Variants in KAT2B observed in about 807,000 individuals in gnomAD.
The protein encoded by KAT2B is lysine acetyltransferase 2B, also known as histone acetyltransferase KAT2B.
KAT2B carries 36 observed loss-of-function variants against 105.9 expected under a neutral mutation model. The ratio of observed to expected loss-of-function variants is 0.34; its 90% CI spans 0.26 to 0.45. The LOEUF (loss-of-function observed/expected upper bound fraction) is 0.45. Ranked by LOEUF, KAT2B falls within the 20% of genes least tolerant of loss-of-function variation. The pLI is 1.00. For missense variants in KAT2B, 820 were observed against 1,021.6 expected, an observed-to-expected ratio of 0.80 and a Z score of 2.69; for synonymous variants, 397 against 377.9, an observed-to-expected ratio of 1.05 and a Z score of -0.59.
intron 6 of KAT2B, among the ~76,000 whole-genome samples, chr3:20,114,280 A>G (rs1436236748): frequency 6.6e-6 from 1 of 152,128 alleles, no homozygotes; most frequent in African/African-American, 2.4e-5. Flanking sequence ...TGATCTAAAT[A>G]TTTCACTTCT....
Position 20,114,954 on chromosome 3 carries a change from C to T in KAT2B, c.1116C>T (p.Ala372=), listed in dbSNP as rs1255664354. The part of the protein sequence containing the change: ...SPIWDQDFLS[A]SSRTSQLGIQ... ...TCTGGGATCAGGATTTTCTCTCAGC[C>T]TCTTCCAGAACCAGCCAGCTAGGCA... The change falls in exon 7 of 18, where the codon GCC becomes GCT. Residue 372 remains alanine (A), a synonymous_variant. Transcript: ENST00000263754. 1 of 1,612,810 alleles carries T rather than the reference C, an allele frequency of 6.2e-7. No homozygotes were observed. The highest frequency in any genetic ancestry group is 1.3e-5 in the African/African-American group (1 of 74,990).
intron 8 of KAT2B, among the ~76,000 whole-genome samples, chr3:20,120,234 T>C (rs567285803): frequency 6.6e-6 from 1 of 152,066 alleles, no homozygotes; most frequent in East Asian, 1.9e-4. Flanking sequence ...TCCTTTTCTT[T>C]TCTTTTTATT....
intron 2 of KAT2B, among the ~76,000 whole-genome samples, chr3:20,079,107 GCC>G (rs1698473235): frequency 1.3e-5 from 2 of 149,872 alleles, no homozygotes; most frequent in Admixed American, 6.7e-5. Flanking sequence ...TGCCAAGTTA[GCC>G]ACGCTGGTCT....
chr3:20,099,339 G>A (rs113514169), intron 3 of KAT2B, among the ~76,000 whole-genome samples: 28 of 152,290 alleles, frequency 1.8e-4, no homozygotes, highest in Admixed American at 3.9e-4. Context: ...TAGATGATGC[G>A]TATGCCGTGC....
intron 1 of KAT2B, among the ~76,000 whole-genome samples, chr3:20,059,412 C>CA (rs34763319): frequency 0.015 from 587 of 38,108 alleles, 3 homozygotes; most frequent in African/African-American, 0.026. Flanking sequence ...GACTCTGTCT[C>CA]AAAAAAAAAA....
At chr3:20,061,269 C>T (rs185342577) in intron 1 of KAT2B, among the ~76,000 whole-genome samples, 1 of 152,262 alleles carries the variant, frequency 6.6e-6, no homozygotes, top group Non-Finnish European at 1.5e-5. Context: ...GCATAACATT[C>T]TCAAGTTTCA....
intron 8 of KAT2B, among the ~76,000 whole-genome samples, chr3:20,121,116 T>A (rs1312785361): frequency 6.6e-6 from 1 of 152,118 alleles, no homozygotes; most frequent in Non-Finnish European, 1.5e-5. Context: ...TGGTCAGATG[T>A]CTGAAAATAT....
intron 2 of KAT2B, among the ~76,000 whole-genome samples, chr3:20,081,425 T>C (rs1292696768): frequency 6.6e-6 from 1 of 152,168 alleles, no homozygotes; most frequent in Non-Finnish European, 1.5e-5. Flanking sequence ...GGCGGGTCAC[T>C]CTCTGGCACC....
Position 20,115,004 on chromosome 3 carries a change from C to T in KAT2B, c.1150+16C>T, listed in dbSNP as rs1430981657. 6.5e-7 allele frequency: 1 copy of T among 1,537,354 alleles called. No individual in the cohort carries two copies. Among genetic ancestry groups the T allele is most frequent in the South Asian group, 1.1e-5 (1 of 89,374 alleles). ...ATCCAAACAGGTAAGTTTCCTTTTA[C>T]ATGAATCAGAGAACAACCAGGGAGG... On this transcript the variant is annotated intron_variant, in intron 7 of 17. Coordinates refer to ENST00000263754, the MANE Select transcript of KAT2B (RefSeq NM_003884.5).
chr3:20,089,964 G>A (rs1459841596), intron 2 of KAT2B, among the ~76,000 whole-genome samples: 1 of 150,388 alleles, frequency 6.6e-6, no homozygotes, highest in Non-Finnish European at 1.5e-5. Context: ...ACAACATAGT[G>A]AGAAGCCATC....
Position 20,122,759 on chromosome 3 carries a change from G to C in KAT2B, c.1368G>C (p.Glu456Asp). Reference protein sequence around the residue: ...MGDIPMELINEVMSTITDPAA... With the variant: ...MGDIPMELINDVMSTITDPAA... ...ATATTCCGATGGAATTAATCAACGA[G>C]GTTATGTCTACCATCACGGACCCTG... is the stretch of plus-strand genomic sequence containing the variant. Residue 456 changes from glutamate to aspartate, a missense_variant, in exon 9 of 18, where the codon GAG becomes GAC. Physicochemically the swap from Glu to Asp is conservative, Grantham distance 45. Around this residue, in one of 6 missense-constraint regions of KAT2B, gnomAD observed 225 missense variants for 268.1 expected, o/e 0.84. Transcript: ENST00000263754. 1 of 1,614,080 alleles carries C rather than the reference G, an allele frequency of 6.2e-7. No homozygotes were observed. Among genetic ancestry groups the C allele is most frequent in the African/African-American group, 1.3e-5 (1 of 75,048 alleles).
At position 20,120,420 on chromosome 3, in the gene KAT2B, T is replaced by G. The variant is rs926143216; in HGVS notation, c.1276+697T>G. Among the ~76,000 whole-genome samples the G allele has an allele frequency of 1.2e-4, 18 of 151,794 alleles. 1 individual carries two copies. The highest frequency in any genetic ancestry group is 1.2e-3 in the Admixed American group (18 of 15,208). Reference sequence around the variant, plus strand: ...TTTTTGTATTTTTGGTGGAGATGGGTTTTTGCCATATTGGTCAGGCTGGTC... The same window carrying G: ...TTTTTGTATTTTTGGTGGAGATGGGGTTTTGCCATATTGGTCAGGCTGGTC... On this transcript the variant is annotated intron_variant, in intron 8 of 17. Transcript: ENST00000263754.
chr3:20,076,484 A>T (rs1698421189), intron 2 of KAT2B, among the ~76,000 whole-genome samples: 1 of 152,140 alleles, frequency 6.6e-6, no homozygotes. Flanking sequence ...AGCTCTAGAA[A>T]ACCTTTTTCT....
chr3:20,145,032 A>AGTG (rs949357900), intron 13 of KAT2B, among the ~76,000 whole-genome samples: 9 of 150,852 alleles, frequency 6.0e-5, no homozygotes, highest in Non-Finnish European at 1.2e-4. Context: ...CCTCACCTCA[A>AGTG]GTGATCCACC....
At chr3:20,119,178 G>T (rs980218714) in intron 7 of KAT2B, among the ~76,000 whole-genome samples, 6 of 151,648 alleles carry the variant, frequency 4.0e-5, no homozygotes, top group Middle Eastern at 3.2e-3. Context: ...TTTTGAGACT[G>T]TATAAATATC....
intron 1 of KAT2B, among the ~76,000 whole-genome samples, chr3:20,061,984 C>CA (rs1698115943): frequency 4.7e-5 from 2 of 42,476 alleles, no homozygotes; most frequent in Non-Finnish European, 8.1e-5. Flanking sequence ...ATATATAAAA[C>CA]ATATAATATA....
At chr3:20,089,653 G>C (rs1217700595) in intron 2 of KAT2B, among the ~76,000 whole-genome samples, 3 of 152,040 alleles carry the variant, frequency 2.0e-5, no homozygotes, top group Non-Finnish European at 4.4e-5. Flanking sequence ...GCCTGCCTCA[G>C]CCTCCCAAAG....
intron 2 of KAT2B, among the ~76,000 whole-genome samples, chr3:20,078,713 A>G (rs1466509771): frequency 6.6e-6 from 1 of 151,830 alleles, no homozygotes; most frequent in Non-Finnish European, 1.5e-5. Flanking sequence ...GTATATATAT[A>G]TGTACACATT....
Position 20,146,389 on chromosome 3 carries a change from AT to A in KAT2B, c.2079del (p.Asp693GlufsTer8). The A allele has an allele frequency of 6.2e-7, 1 of 1,613,314 alleles. No individual in the cohort carries two copies. The highest frequency in any genetic ancestry group is 1.3e-5 in the African/African-American group (1 of 75,030). ...KVYPGLSCFK[D>X]GVRQIPIESI... is the part of the protein sequence containing the mutation. ...TACCCTGGACTTTCATGTTTTAAAG[AT>A]GGAGTTCGACAGATTCCTATAGAAA... On this transcript the variant is annotated frameshift_variant, in exon 14 of 18. Coordinates refer to ENST00000263754, the MANE Select transcript of KAT2B (RefSeq NM_003884.5). LOFTEE classifies it high-confidence loss of function.
Sources: gnomAD v4.1 joint callset for allele counts (sites outside exome capture counted in the v4.1 genomes callset) on GRCh38, gnomAD v4.1.1 for gene constraint, gnomAD v4.1.1 regional missense constraint, MANE v1.5 for transcripts, NCBI Gene and HGNC (gene_info 2026-07-23, HGNC 2026-07-21) for gene names.